Variants in SMAP1 observed in about 807,000 individuals in gnomAD.
The protein encoded by SMAP1 is small ArfGAP 1, also known as stromal membrane-associated protein 1.
Under a neutral mutation model 58.5 loss-of-function variants are expected in SMAP1, and 24 were observed. That is an observed-to-expected ratio of 0.41 (90% confidence interval 0.30 to 0.58). The LOEUF is 0.58. Ranked by LOEUF, SMAP1 falls within the 20% of genes least tolerant of loss-of-function variation. The probability of loss-of-function intolerance (pLI) is 0.29; values close to 1 mark genes in which losing one functional copy is unlikely to be tolerated. For synonymous variants in SMAP1, 216 were observed against 196.6 expected (o/e 1.10, Z -0.82); for missense variants, 563 against 566.3 (o/e 0.99, Z 0.06).
intron 7 of SMAP1, among the ~76,000 whole-genome samples, chr6:70,849,295 C>G (rs2150007442): frequency 6.6e-6 from 1 of 152,274 alleles, no homozygotes. Context: ...TCTGAAGTCC[C>G]TCAGACTTAC....
intron 1 of SMAP1, among the ~76,000 whole-genome samples, chr6:70,684,060 A>G (rs897605601): frequency 3.9e-5 from 6 of 152,230 alleles, no homozygotes; most frequent in African/African-American, 1.4e-4. Flanking sequence ...ACCGTTATCT[A>G]TGTAATGGCA....
chr6:70,671,529 G>T (rs1449782693), intron 1 of SMAP1, among the ~76,000 whole-genome samples: 1 of 152,162 alleles, frequency 6.6e-6, no homozygotes, highest in Admixed American at 6.5e-5. Flanking sequence ...AGTGAGCCGA[G>T]ATCGCGCCAC....
intron 1 of SMAP1, among the ~76,000 whole-genome samples, chr6:70,708,139 G>T (rs1404837957): frequency 2.0e-5 from 3 of 151,720 alleles, no homozygotes; most frequent in Non-Finnish European, 2.9e-5. Context: ...CCTTTCCTGC[G>T]CCTGGTAACC....
intron 1 of SMAP1, among the ~76,000 whole-genome samples, chr6:70,675,074 A>G (rs536096388): frequency 7.9e-5 from 12 of 151,040 alleles, no homozygotes; most frequent in South Asian, 2.1e-4. Flanking sequence ...CTTCTAATCT[A>G]TGTTTACATT....
At chr6:70,690,968 C>A (rs556270764) in intron 1 of SMAP1, among the ~76,000 whole-genome samples, 3 of 151,852 alleles carry the variant, frequency 2.0e-5, no homozygotes, top group Non-Finnish European at 4.4e-5. Flanking sequence ...CTATCTGGGC[C>A]TTGAGTTTTT....
intron 2 of SMAP1, among the ~76,000 whole-genome samples, chr6:70,746,330 A>AT (rs773141525): frequency 6.6e-6 from 1 of 152,138 alleles, no homozygotes; most frequent in Non-Finnish European, 1.5e-5. Context: ...AGCTCTTATT[A>AT]TTTTGAGATA....
intron 6 of SMAP1, among the ~76,000 whole-genome samples, chr6:70,799,181 A>G (rs975346858): frequency 6.6e-6 from 1 of 152,206 alleles, no homozygotes; most frequent in Non-Finnish European, 1.5e-5. Flanking sequence ...TGAAGAATGT[A>G]TGAAAATTGT....
chr6:70,791,575 C>CT, intron 4 of SMAP1, 114 bp from the exon 5 acceptor site: 1 of 749,934 alleles, frequency 1.3e-6, no homozygotes, highest in Admixed American at 2.6e-5. Context: ...TAACATGCCT[C>CT]TAAGTGCTTC....
chr6:70,805,717 C>T (rs1769096003), intron 6 of SMAP1, among the ~76,000 whole-genome samples: 1 of 152,172 alleles, frequency 6.6e-6, no homozygotes, highest in Non-Finnish European at 1.5e-5. Flanking sequence ...GACATTGATG[C>T]TATTCCTTTC....
intron 3 of SMAP1, among the ~76,000 whole-genome samples, chr6:70,763,419 T>C (rs1011186825): frequency 1.3e-5 from 2 of 152,182 alleles, no homozygotes; most frequent in African/African-American, 4.8e-5. Context: ...AAGTTTGCAT[T>C]CTGACTACAC....
intron 4 of SMAP1, among the ~76,000 whole-genome samples, chr6:70,784,614 C>T (rs1193093624): frequency 1.3e-5 from 2 of 152,072 alleles, no homozygotes; most frequent in South Asian, 2.1e-4. Flanking sequence ...GAAGATCTAC[C>T]AAGCAAATGG....
At chr6:70,783,890 C>A (rs1767881162) in intron 4 of SMAP1, among the ~76,000 whole-genome samples, 2 of 152,182 alleles carry the variant, frequency 1.3e-5, no homozygotes, top group Admixed American at 1.3e-4. Context: ...AGGATATTAT[C>A]CAGGAGAACT....
At chr6:70,784,580 T>C (rs1312007627) in intron 4 of SMAP1, among the ~76,000 whole-genome samples, 2 of 152,084 alleles carry the variant, frequency 1.3e-5, no homozygotes, top group East Asian at 1.9e-4. Flanking sequence ...GAGACACACA[T>C]AGGCTCAACA....
rs530271314 is a variant in SMAP1, at chr6:70,837,670, T to C, written c.664+642T>C. ...ATATTGTTAGCTTCTCTCTCTCTCT[T>C]TTTTTTTTTTTACATTTTTTTCTTC... On this transcript the variant is annotated intron_variant, in intron 7 of 10. Coordinates refer to ENST00000370455, the MANE Select transcript of SMAP1 (RefSeq NM_001044305.3). 1,290 of 538,736 alleles carry C rather than the reference T, an allele frequency of 2.4e-3. 10 individuals carry two copies. Among genetic ancestry groups the C allele is most frequent in the Non-Finnish European group, 2.8e-3 (1,109 of 398,024 alleles). 33.4% of individuals were successfully genotyped at this position (538,736 alleles called of 1,614,324 possible).
intron 6 of SMAP1, among the ~76,000 whole-genome samples, chr6:70,807,143 A>G (rs1413736462): frequency 6.6e-6 from 1 of 152,212 alleles, no homozygotes; most frequent in African/African-American, 2.4e-5. Context: ...GTGAGTTTCC[A>G]GTTAGCAACT....
intron 2 of SMAP1, among the ~76,000 whole-genome samples, chr6:70,751,267 G>A (rs989688743): frequency 2.0e-5 from 3 of 151,868 alleles, no homozygotes; most frequent in Non-Finnish European, 4.4e-5. Context: ...ATAAAAATAC[G>A]TTCAGTCTAC....
intron 3 of SMAP1, among the ~76,000 whole-genome samples, chr6:70,761,158 A>C (rs770995227): frequency 2.6e-5 from 4 of 152,034 alleles, no homozygotes; most frequent in Non-Finnish European, 5.9e-5. Context: ...AAAATCTTAA[A>C]ATATATAGAT....
At chr6:70,760,745 A>G (rs894503928) in intron 3 of SMAP1, among the ~76,000 whole-genome samples, 5 of 152,066 alleles carry the variant, frequency 3.3e-5, no homozygotes, top group Admixed American at 6.6e-5. Context: ...TAACCAAACT[A>G]AGTTAAACTC....
chr6:70,680,964 C>T (rs542596966), intron 1 of SMAP1, among the ~76,000 whole-genome samples: 20 of 152,024 alleles, frequency 1.3e-4, no homozygotes, highest in Non-Finnish European at 2.4e-4. Context: ...GTGATCTGCC[C>T]GCCTTAGCCT....
Sources: gnomAD v4.1 joint callset for allele counts (sites outside exome capture counted in the v4.1 genomes callset) on GRCh38, gnomAD v4.1.1 for gene constraint, MANE v1.5 for transcripts, NCBI Gene and HGNC (gene_info 2026-07-23, HGNC 2026-07-21) for gene names.